Variants in UBE2E1 observed in about 807,000 individuals in gnomAD.
UBE2E1 encodes ubiquitin-conjugating enzyme E2 E1.
UBE2E1 carries 6 observed loss-of-function variants against 21.4 expected under a neutral mutation model. That is an observed-to-expected ratio of 0.28 (90% confidence interval 0.15 to 0.55). The LOEUF is 0.55. UBE2E1 is among the 20% of genes least tolerant of loss of function. The probability of loss-of-function intolerance (pLI) is 0.93; values close to 1 mark genes in which losing one functional copy is unlikely to be tolerated. For synonymous variants in UBE2E1, 87 were observed against 82.7 expected, an observed-to-expected ratio of 1.05 and a Z score of -0.28; for missense variants, 142 against 236.5, an observed-to-expected ratio of 0.60 and a Z score of 2.62.
intron 3 of UBE2E1, among the ~76,000 whole-genome samples, chr3:23,837,422 A>T (rs1186694024): frequency 6.6e-6 from 1 of 152,166 alleles, no homozygotes; most frequent in African/African-American, 2.4e-5. Flanking sequence ...TATCCCCAGG[A>T]TACTGGTGTC....
chr3:23,839,109 T>C (rs1464777449), intron 3 of UBE2E1, among the ~76,000 whole-genome samples: 2 of 152,162 alleles, frequency 1.3e-5, no homozygotes, highest in Non-Finnish European at 2.9e-5. Flanking sequence ...ATTCTGCATG[T>C]TATAAACCCC....
In UBE2E1 at chr3:23,889,972, A is replaced by C. The variant is rs72627061; in HGVS notation, c.485-537A>C. ...TATATTTTCTAGGTAAACCAAATAT[A>C]AATTTATTAAAGATCCTAAGATTCA... On this transcript the variant is annotated intron_variant, in intron 5 of 5. Coordinates refer to ENST00000306627, the MANE Select transcript of UBE2E1 (RefSeq NM_003341.5). The C allele has an allele frequency of 3.5e-3, 547 of 155,736 alleles. 15 individuals carry two copies. In the East Asian group the frequency reaches 0.049, roughly 14 times the overall value. 9.6% of individuals were successfully genotyped at this position (155,736 alleles called of 1,614,324 possible).
At chr3:23,819,716 T>C (rs1559476249) in intron 3 of UBE2E1, among the ~76,000 whole-genome samples, 1 of 152,180 alleles carries the variant, frequency 6.6e-6, no homozygotes, top group Non-Finnish European at 1.5e-5. Flanking sequence ...GCTGGGGAAA[T>C]TGCTGTCACA....
intron 3 of UBE2E1, among the ~76,000 whole-genome samples, chr3:23,817,701 C>T (rs975803370): frequency 1.5e-4 from 23 of 151,740 alleles, no homozygotes; most frequent in African/African-American, 4.8e-4. Flanking sequence ...AAGGGATATT[C>T]GTGATGGAAC....
At chr3:23,872,274 G>A (rs1700815627) in intron 3 of UBE2E1, among the ~76,000 whole-genome samples, 1 of 152,098 alleles carries the variant, frequency 6.6e-6, no homozygotes, top group Non-Finnish European at 1.5e-5. Context: ...TCGGCAGGCT[G>A]AGGCAGGAGA....
At chr3:23,815,221 G>T (rs866126855) in intron 3 of UBE2E1, among the ~76,000 whole-genome samples, 3 of 152,118 alleles carry the variant, frequency 2.0e-5, no homozygotes, top group Admixed American at 2.0e-4. Context: ...GCCTCAAGCC[G>T]TCCACCCACT....
intron 3 of UBE2E1, among the ~76,000 whole-genome samples, chr3:23,874,335 G>A (rs1027083851): frequency 6.6e-5 from 10 of 152,068 alleles, no homozygotes; most frequent in Admixed American, 1.3e-4. Context: ...TTAACAATAC[G>A]TTCTCCCCTC....
chr3:23,883,784 C>T (rs569643307), intron 3 of UBE2E1, among the ~76,000 whole-genome samples: 9 of 151,942 alleles, frequency 5.9e-5, no homozygotes, highest in South Asian at 2.1e-4. Context: ...GGCATGGCGG[C>T]GCACACCTGT....
intron 3 of UBE2E1, among the ~76,000 whole-genome samples, chr3:23,884,971 T>G (rs1401523875): frequency 6.6e-6 from 1 of 152,254 alleles, no homozygotes; most frequent in Non-Finnish European, 1.5e-5. Flanking sequence ...GTGTCATAGC[T>G]GTATCAGCCA....
chr3:23,887,423 C>A lies in UBE2E1; in HGVS notation c.204-144C>A. 8.8e-7 allele frequency: 1 copy of A among 1,141,450 alleles called. No individual in the cohort carries two copies. The highest frequency in any genetic ancestry group is 1.2e-6 in the Non-Finnish European group (1 of 845,512). The allele number at this position is 1,141,450 out of a possible 1,614,324, so 70.7% of individuals were successfully genotyped here. A position where few individuals can be genotyped will look rare whatever the true frequency, so the allele number is the denominator to read the frequency against. On this transcript the variant is annotated intron_variant, in intron 3 of 5. Coordinates refer to ENST00000306627, the MANE Select transcript of UBE2E1 (RefSeq NM_003341.5). This position sits in a 1 kb window ranked among gnomAD's most constrained non-coding sequence, Gnocchi z 4.4. ...TGGCTATGGGTTTGTTGCAGTTCTG[C>A]ATCCGTTTCTGTACTTGTTTTGTAA... is the stretch of plus-strand genomic sequence containing the variant.
At chr3:23,820,668 A>G (rs1032557586) in intron 3 of UBE2E1, among the ~76,000 whole-genome samples, 1 of 152,212 alleles carries the variant, frequency 6.6e-6, no homozygotes, top group South Asian at 2.1e-4. Context: ...GCCCTCTTAT[A>G]TAGCATTCAA....
At chr3:23,864,923 C>G (rs1250945348) in intron 3 of UBE2E1, among the ~76,000 whole-genome samples, 1 of 152,256 alleles carries the variant, frequency 6.6e-6, no homozygotes, top group Non-Finnish European at 1.5e-5. Context: ...TACAGCACCT[C>G]TGCCCTCATC....
intron 3 of UBE2E1, among the ~76,000 whole-genome samples, chr3:23,832,997 G>T (rs150263686): frequency 6.6e-6 from 1 of 152,194 alleles, no homozygotes; most frequent in African/African-American, 2.4e-5. Flanking sequence ...TTGTGCCATT[G>T]TACTCCAGCC....
chr3:23,839,445 CAGAG>C (rs1029082378), intron 3 of UBE2E1, among the ~76,000 whole-genome samples: 3 of 151,812 alleles, frequency 2.0e-5, no homozygotes, highest in Admixed American at 6.6e-5. Context: ...GCCTTGGCAA[CAGAG>C]AGAGAGTCTG....
At chr3:23,871,774 G>C (rs1167480472) in intron 3 of UBE2E1, among the ~76,000 whole-genome samples, 1 of 151,308 alleles carries the variant, frequency 6.6e-6, no homozygotes, top group East Asian at 2.0e-4. Context: ...CTCAGATGAT[G>C]GGCGGCCGGG....
chr3:23,825,369 C>T (rs956197684), intron 3 of UBE2E1, among the ~76,000 whole-genome samples: 22 of 152,190 alleles, frequency 1.4e-4, no homozygotes, highest in African/African-American at 5.1e-4. Flanking sequence ...GCAGTTACAA[C>T]CAGTGGCTCC....
At chr3:23,866,049 C>T (rs1700649364) in intron 3 of UBE2E1, among the ~76,000 whole-genome samples, 1 of 152,176 alleles carries the variant, frequency 6.6e-6, no homozygotes, top group Non-Finnish European at 1.5e-5. Flanking sequence ...CCAGACCCTC[C>T]CCTCCAAGCC....
In UBE2E1 at chr3:23,806,605, C is replaced by G. The variant is rs1339640490; in HGVS notation, c.-34+517C>G. 6.6e-6 allele frequency among the ~76,000 whole-genome samples: 1 copy of G among 150,842 alleles called. No homozygotes were observed. Among genetic ancestry groups the G allele is most frequent in the Admixed American group, 6.6e-5 (1 of 15,208 alleles). On this transcript the variant is annotated intron_variant, in intron 1 of 5. Transcript: ENST00000306627. The surrounding 1 kb of genome is among the most constrained non-coding windows in gnomAD (Gnocchi z 6.5). ...CCCGGCCGCATAGCTGTGAGCAGGG[C>G]GGCCAGAGGCAGGCAGGCCGGGAGG...
intron 3 of UBE2E1, among the ~76,000 whole-genome samples, chr3:23,883,084 C>T (rs1262904529): frequency 6.6e-6 from 1 of 152,166 alleles, no homozygotes; most frequent in Admixed American, 6.5e-5. Context: ...CATGCTGTCA[C>T]CTCTCCCCAT....
Sources: allele counts gnomAD v4.1 joint callset (sites outside exome capture counted in the v4.1 genomes callset), GRCh38; gene constraint gnomAD v4.1.1; non-coding constraint Gnocchi (gnomAD v3.1); transcripts MANE v1.5; gene names NCBI Gene and HGNC (gene_info 2026-07-23, HGNC 2026-07-21).